TAF15: variants seen among roughly 807,000 people sequenced by gnomAD.
TAF15 encodes the protein TATA-binding protein-associated factor 2N.
In TAF15, 37 loss-of-function variants were observed where a neutral mutation model predicts 102.5. That is an observed-to-expected ratio of 0.36 (90% CI 0.28 to 0.47). The LOEUF (loss-of-function observed/expected upper bound fraction) is 0.47. Ranked by LOEUF, TAF15 falls within the 20% of genes least tolerant of loss-of-function variation. The pLI, the probability that TAF15 is intolerant of heterozygous loss-of-function variation, is 0.99. For missense variants in TAF15, 652 were observed against 760.7 expected, an observed-to-expected ratio of 0.86 and a Z score of 1.68; for synonymous variants, 273 against 259.2, an observed-to-expected ratio of 1.05 and a Z score of -0.51.
intron 2 of TAF15, among the ~76,000 whole-genome samples, chr17:35,818,939 T>C (rs1004380098): frequency 6.6e-5 from 10 of 152,308 alleles, no homozygotes; most frequent in Non-Finnish European, 1.3e-4. Context: ...ATAAAAAATA[T>C]TAAGCGTTTT....
chr17:35,814,101 C>A (rs2087161892), intron 1 of TAF15, among the ~76,000 whole-genome samples: 1 of 151,622 alleles, frequency 6.6e-6, no homozygotes, highest in African/African-American at 2.4e-5. Context: ...GAGATAGGAT[C>A]TTTCTGTGTT....
At chr17:35,835,041 G>T (rs1436722037) in intron 9 of TAF15, among the ~76,000 whole-genome samples, 2 of 151,914 alleles carry the variant, frequency 1.3e-5, no homozygotes, top group Non-Finnish European at 2.9e-5. Flanking sequence ...ACCACGCCCG[G>T]CTGGGGAGCT....
intron 11 of TAF15, among the ~76,000 whole-genome samples, chr17:35,841,528 C>A (rs1042840083): frequency 6.6e-6 from 1 of 151,442 alleles, no homozygotes; most frequent in Non-Finnish European, 1.5e-5. Flanking sequence ...ACCTTAGCCT[C>A]CCAAGTAGCT....
chr17:35,827,435 G>A (rs1261348095), intron 7 of TAF15, among the ~76,000 whole-genome samples: 3 of 152,126 alleles, frequency 2.0e-5, no homozygotes, highest in Non-Finnish European at 4.4e-5. Flanking sequence ...GCCAGGTATG[G>A]TGGCTCACGC....
rs55754009 is a variant in TAF15 at position 35,813,117 on chromosome 17, C to CAAA, written c.7+3561_7+3563dup. On this transcript the variant is annotated intron_variant, in intron 1 of 15. Coordinates refer to ENST00000605844, the MANE Select transcript of TAF15 (RefSeq NM_139215.3). Reference sequence around the variant, plus strand: ...TGGGTGACAGAGCAAGACTCTGTCTCAAAAAAAAAAAAAAAAAAAAAAGAT... The same window carrying CAAA: ...TGGGTGACAGAGCAAGACTCTGTCTCAAAAAAAAAAAAAAAAAAAAAAAAAGAT... Among the ~76,000 whole-genome samples the CAAA allele has an allele frequency of 2.8e-3, 166 of 58,494 alleles. 3 individuals carry two copies. Among genetic ancestry groups the CAAA allele is most frequent in the African/African-American group, 7.3e-3 (141 of 19,192 alleles). The allele number at this position is 58,494 out of a possible 152,430, so 38.4% of individuals were successfully genotyped here.
chr17:35,829,520 T>C (rs1334577964), intron 7 of TAF15, among the ~76,000 whole-genome samples: 1 of 147,656 alleles, frequency 6.8e-6, no homozygotes, highest in East Asian at 2.0e-4. Context: ...TAGTCCCAGC[T>C]ACTCGGGAGG....
At chr17:35,812,500 G>A (rs572508851) in intron 1 of TAF15, among the ~76,000 whole-genome samples, 64 of 148,664 alleles carry the variant, frequency 4.3e-4, no homozygotes, top group African/African-American at 1.5e-3. Context: ...CAGGAGAATC[G>A]CTTGAACCTG....
At chr17:35,832,893 G>C (rs1467265823) in intron 7 of TAF15, among the ~76,000 whole-genome samples, 1 of 152,002 alleles carries the variant, frequency 6.6e-6, no homozygotes, top group Non-Finnish European at 1.5e-5. Context: ...GCAGTGGCTC[G>C]TGCCTGTAAT....
At position 35,842,442 on chromosome 17, in the gene TAF15, G is replaced by C; in HGVS notation, c.989G>C (p.Ser330Thr). 1.2e-6 allele frequency: 2 copies of C among 1,614,052 alleles called. No homozygotes were observed. The highest frequency in any genetic ancestry group is 1.7e-6 in the Non-Finnish European group (2 of 1,179,898). Residue 330 changes from serine to threonine, a missense_variant, in exon 12 of 16, where the codon AGT becomes ACT. Coordinates refer to ENST00000605844, the MANE Select transcript of TAF15 (RefSeq NM_139215.3). ...CCTGAATTCATGAGAGGAGGTGGAA[G>C]TGGAGGTGGGCGGCGAGGTAAGATC... ...RRPEFMRGGGSGGGRRGRGGY... is the reference protein window; with the variant it reads ...RRPEFMRGGGTGGGRRGRGGY...
intron 7 of TAF15, among the ~76,000 whole-genome samples, chr17:35,824,688 C>T (rs1048679210): frequency 1.3e-5 from 2 of 152,160 alleles, no homozygotes; most frequent in African/African-American, 4.8e-5. Context: ...TGTAACAAAA[C>T]TGTTTTGTCC....
chr17:35,811,918 G>T (rs1271732100), intron 1 of TAF15, among the ~76,000 whole-genome samples: 1 of 152,096 alleles, frequency 6.6e-6, no homozygotes, highest in Non-Finnish European at 1.5e-5. Flanking sequence ...AACTAAGAAA[G>T]GACAAACCCC....
Position 35,828,400 on chromosome 17 carries a change from C to G in TAF15, c.605+4202C>G, listed in dbSNP as rs540823513. ...TAAACAAATGAGAAAATCTATTTAA[C>G]TCAATATATTCAAAATATTTCATCA... On this transcript the variant is annotated intron_variant, in intron 7 of 15. Coordinates refer to ENST00000605844, the MANE Select transcript of TAF15 (RefSeq NM_139215.3). Among the ~76,000 whole-genome samples, 3 of 152,216 alleles carry G rather than the reference C, an allele frequency of 2.0e-5. No individual in the cohort carries two copies. The South Asian group carries it at 6.2e-4, about 32-fold the overall frequency.
chr17:35,842,025 T>C (rs888466715), intron 11 of TAF15, among the ~76,000 whole-genome samples: 1 of 152,060 alleles, frequency 6.6e-6, no homozygotes, highest in Non-Finnish European at 1.5e-5. Context: ...CACCATCTCC[T>C]TCCCCAGGCT....
At chr17:35,810,158 T>A (rs1332473891) in intron 1 of TAF15, 1 of 151,854 alleles carries the variant, frequency 6.6e-6, no homozygotes, top group Non-Finnish European at 1.4e-5. Context: ...CCACCTGGAT[T>A]TGAGTTGGGG....
intron 12 of TAF15, among the ~76,000 whole-genome samples, chr17:35,843,110 T>G (rs2143828455): frequency 6.6e-6 from 1 of 152,196 alleles, no homozygotes; most frequent in Non-Finnish European, 1.5e-5. Context: ...TGCCAGCTTT[T>G]TTTTTATTTT....
At chr17:35,846,254 G>T (rs1186397906) in intron 15 of TAF15, among the ~76,000 whole-genome samples, 1 of 152,156 alleles carries the variant, frequency 6.6e-6, no homozygotes, top group East Asian at 1.9e-4. Context: ...TTAATCCTTT[G>T]GAGTGTCAGT....
In TAF15 at chr17:35,820,180, G is replaced by A. The variant is rs752174348; in HGVS notation, c.116G>A (p.Gly39Glu). 1.4e-5 allele frequency: 23 copies of A among 1,613,918 alleles called. No individual in the cohort carries two copies. Among genetic ancestry groups the A allele is most frequent in the Non-Finnish European group, 1.9e-5 (22 of 1,179,970 alleles). Reference protein sequence around the residue: ...GQASQSYSGYGQTTDSSYGQN... With the variant: ...GQASQSYSGYEQTTDSSYGQN... ...AAATTTCAGAGCTATTCTGGCTATG[G>A]GCAAACGACTGATTCCTCTTATGGA... The change falls in exon 4 of 16, where the codon GGG becomes GAG. Residue 39 changes from glycine (G) to glutamate (E), a missense_variant. This residue lies in a region of TAF15 where 243 missense variants were observed against 284.1 expected (regional missense o/e 0.86). Transcript: ENST00000605844.
chr17:35,840,159 C>G (rs1455864535), intron 11 of TAF15, among the ~76,000 whole-genome samples: 2 of 151,772 alleles, frequency 1.3e-5, no homozygotes, highest in Non-Finnish European at 2.9e-5. Flanking sequence ...AAGTACTTAA[C>G]TATGCTGGAT....
At chr17:35,845,064 C>T (rs2087607977) in intron 15 of TAF15, 26 bp downstream of exon 15, 1 of 1,613,146 alleles carries the variant, frequency 6.2e-7, no homozygotes, top group Non-Finnish European at 8.5e-7. Context: ...TGTTTATTAA[C>T]CTTTTTACCT....
Sources: gnomAD v4.1 joint callset for allele counts (sites outside exome capture counted in the v4.1 genomes callset) on GRCh38, gnomAD v4.1.1 for gene constraint, gnomAD v4.1.1 regional missense constraint, MANE v1.5 for transcripts, NCBI Gene and HGNC (gene_info 2026-07-23, HGNC 2026-07-21) for gene names.